Variants in KIAA0930 observed in about 807,000 individuals in gnomAD.
KIAA0930 encodes uncharacterized protein KIAA0930.
Under a neutral mutation model 43.9 loss-of-function variants are expected in KIAA0930, and 24 were observed. That is an observed-to-expected ratio of 0.55 (90% CI 0.40 to 0.77). KIAA0930 has a LOEUF of 0.77. Among genes scored for constraint, KIAA0930 ranks in the 30% least tolerant of loss-of-function variants. The pLI is 0.00. For missense variants in KIAA0930, 461 were observed against 574.2 expected (o/e 0.80, Z 2.02); for synonymous variants, 259 against 216.4 (o/e 1.20, Z -1.73).
In KIAA0930 at chr22:45,226,045, G is replaced by A. The variant is rs1021735014; in HGVS notation, c.65-13938C>T. 7.2e-5 allele frequency: 23 copies of A among 321,376 alleles called. No homozygotes were observed. The East Asian group carries it at 1.5e-3, about 21-fold the overall frequency. 19.9% of individuals were successfully genotyped at this position (321,376 alleles called of 1,614,324 possible). On this transcript the variant is annotated intron_variant, in intron 1 of 9. Transcript: ENST00000336156. ...GCTGGCAGGGCGTCCGGGGCCCAGC[G>A]CAGGGCAGTATCCACCACAGAGAGC...
chr22:45,203,295 C>A (rs2083606311), intron 6 of KIAA0930, 111 bp from the exon 7 acceptor site: 2 of 1,119,432 alleles, frequency 1.8e-6, no homozygotes, highest in African/African-American at 3.2e-5. Flanking sequence ...GCGGGGGCTG[C>A]CCGGGAGGGA....
intron 1 of KIAA0930, chr22:45,226,159 TG>T (rs1358038239): frequency 1.4e-5 from 6 of 438,992 alleles, no homozygotes; most frequent in Admixed American, 7.3e-5. Flanking sequence ...CACCCTCAGC[TG>T]CTGGCAGGCA....
At chr22:45,219,394 C>A (rs1172489743) in intron 1 of KIAA0930, among the ~76,000 whole-genome samples, 1 of 152,090 alleles carries the variant, frequency 6.6e-6, no homozygotes, top group Non-Finnish European at 1.5e-5. Flanking sequence ...GGAGGCATTC[C>A]TTGAAACCCA....
Position 45,193,067 on chromosome 22 carries a change from A to C in KIAA0930, c.*4109T>G, listed in dbSNP as rs1395400940. On this transcript the variant is annotated 3_prime_UTR_variant, in exon 10 of 10. Coordinates refer to ENST00000336156, the MANE Select transcript of KIAA0930 (RefSeq NM_001009880.2). ...CAGAGGCTGCTTCCATTCAAGCTCAAGGGCACGTGCCTTTCCTTATCTCGT... is the reference window on the plus strand; with the variant it reads ...CAGAGGCTGCTTCCATTCAAGCTCACGGGCACGTGCCTTTCCTTATCTCGT... 1 of 152,086 alleles carries C rather than the reference A, an allele frequency of 6.6e-6. No individual in the cohort carries two copies. The highest frequency in any genetic ancestry group is 1.5e-5 in the Non-Finnish European group (1 of 68,032). The allele number at this position is 152,086 out of a possible 1,614,324, so 9.4% of individuals were successfully genotyped here. A position where few individuals can be genotyped will look rare whatever the true frequency, so the allele number is the denominator to read the frequency against.
chr22:45,225,769 T>A (rs1342250116), intron 1 of KIAA0930, among the ~76,000 whole-genome samples: 1 of 152,164 alleles, frequency 6.6e-6, no homozygotes, highest in Non-Finnish European at 1.5e-5. Context: ...CTGCAAGACA[T>A]CCCGAGTGCT....
rs539974501 is a variant in KIAA0930, at chr22:45,217,716, C to T, written c.65-5609G>A. ...ACACTGCATGAATGTCAGTCATTAA[C>T]CCGAAAGTGCCATGAGTACTGATTT... On this transcript the variant is annotated intron_variant, in intron 1 of 9. Coordinates refer to ENST00000336156, the MANE Select transcript of KIAA0930 (RefSeq NM_001009880.2). Among the ~76,000 whole-genome samples the T allele has an allele frequency of 2.0e-5, 3 of 152,296 alleles. No individual in the cohort carries two copies. The South Asian group carries it at 6.2e-4, about 32-fold the overall frequency.
intron 1 of KIAA0930, among the ~76,000 whole-genome samples, chr22:45,234,928 G>A (rs990672338): frequency 1.3e-5 from 2 of 152,162 alleles, no homozygotes; most frequent in Admixed American, 6.5e-5. Flanking sequence ...CAAAGTTAAT[G>A]GTGTGTCTCT....
At chr22:45,228,190 T>C (rs2083814632) in intron 1 of KIAA0930, among the ~76,000 whole-genome samples, 1 of 152,140 alleles carries the variant, frequency 6.6e-6, no homozygotes, top group South Asian at 2.1e-4. Flanking sequence ...TCGCTTGTCT[T>C]GCTTCCTTCA....
chr22:45,219,477 A>G (rs577572071), intron 1 of KIAA0930, among the ~76,000 whole-genome samples: 1 of 152,288 alleles, frequency 6.6e-6, no homozygotes, highest in East Asian at 1.9e-4. Flanking sequence ...CCTGATTAAA[A>G]TAGTTTATAG....
chr22:45,207,398 C>T, intron 2 of KIAA0930, among the ~76,000 whole-genome samples: 1 of 151,534 alleles, frequency 6.6e-6, no homozygotes, highest in Non-Finnish European at 1.5e-5. Flanking sequence ...TCTTGGCTCA[C>T]TGCAACCTCT....
At chr22:45,204,074 C>T (rs889753699) in intron 5 of KIAA0930, 89 bp from the exon 6 acceptor site, 18 of 1,552,368 alleles carry the variant, frequency 1.2e-5, no homozygotes, top group Non-Finnish European at 1.6e-5. Flanking sequence ...GAGGGCTGCT[C>T]AGAAAACCCC....
intron 5 of KIAA0930, among the ~76,000 whole-genome samples, chr22:45,204,273 G>A (rs947660433): frequency 2.0e-5 from 3 of 152,274 alleles, no homozygotes; most frequent in Non-Finnish European, 2.9e-5. Flanking sequence ...GTCAGCCACC[G>A]TCTGGGCCCC....
chr22:45,227,870 A>C (rs964522750), intron 1 of KIAA0930, among the ~76,000 whole-genome samples: 2 of 152,124 alleles, frequency 1.3e-5, no homozygotes, highest in Non-Finnish European at 2.9e-5. Flanking sequence ...CTGCAGGGAG[A>C]GGGCTCCCGG....
chr22:45,197,053 C>T lies in KIAA0930; in HGVS notation c.*123G>A, dbSNP rs1297273793. The stretch of plus-strand genomic sequence containing the variant: ...CCCGGCCCCGGGAGTCGAGTGGCCT[C>T]GCCTGGCTGCGGCTCCAGCACTGGC... On this transcript the variant is annotated 3_prime_UTR_variant, in exon 10 of 10. Transcript: ENST00000336156. 22 of 840,190 alleles carry T rather than the reference C, an allele frequency of 2.6e-5. No homozygotes were observed. The highest frequency in any genetic ancestry group is 3.4e-5 in the Admixed American group (1 of 29,182). The allele number at this position is 840,190 out of a possible 1,614,324, so 52.0% of individuals were successfully genotyped here.
chr22:45,236,368 T>A (rs1232098789), intron 1 of KIAA0930: 1 of 152,262 alleles, frequency 6.6e-6, no homozygotes, highest in Non-Finnish European at 1.5e-5. Flanking sequence ...GAGCCAGGGA[T>A]TACTCCAGCC....
intron 1 of KIAA0930, 78 bp from the exon 2 acceptor site, chr22:45,212,185 C>T (rs1250597728): frequency 1.2e-6 from 2 of 1,613,276 alleles, no homozygotes; most frequent in Admixed American, 3.3e-5. Context: ...CAAGCTGCGC[C>T]CATACCCCCA....
At chr22:45,214,173 T>C (rs891065783) in intron 1 of KIAA0930, among the ~76,000 whole-genome samples, 2 of 152,038 alleles carry the variant, frequency 1.3e-5, no homozygotes, top group East Asian at 1.9e-4. Flanking sequence ...CGAGACTCTG[T>C]CTCAACAAAC....
chr22:45,228,495 G>C (rs566013573), intron 1 of KIAA0930, among the ~76,000 whole-genome samples: 2 of 152,294 alleles, frequency 1.3e-5, no homozygotes, highest in Non-Finnish European at 2.9e-5. Flanking sequence ...AGAGCAGCAA[G>C]CAGTACTACT....
rs562974924 is a variant in KIAA0930 at position 45,201,337 on chromosome 22, C to A, written c.853-1302G>T. On this transcript the variant is annotated intron_variant, in intron 7 of 9. Transcript: ENST00000336156. ...GACCCTGTGTGACCCTAGCACATCCCTCCTCCTGAATCCCAGGGCTGCCCA... is the reference window on the plus strand; with the variant it reads ...GACCCTGTGTGACCCTAGCACATCCATCCTCCTGAATCCCAGGGCTGCCCA... 2.0e-5 allele frequency among the ~76,000 whole-genome samples: 3 copies of A among 152,320 alleles called. No individual in the cohort carries two copies. In the South Asian group the frequency reaches 6.2e-4, roughly 32 times the overall value.
Sources: gnomAD v4.1 joint callset for allele counts (sites outside exome capture counted in the v4.1 genomes callset) on GRCh38, gnomAD v4.1.1 for gene constraint, MANE v1.5 for transcripts, NCBI Gene and HGNC (gene_info 2026-07-23, HGNC 2026-07-21) for gene names.